Variants in CADM2 observed in about 807,000 individuals in gnomAD.
CADM2 encodes the protein cell adhesion molecule 2.
In CADM2, 12 loss-of-function variants were observed where a neutral mutation model predicts 49.8. That is an observed-to-expected ratio of 0.24 (90% CI 0.15 to 0.39). CADM2 has a LOEUF of 0.39. Among genes scored for constraint, CADM2 ranks in the 10% least tolerant of loss-of-function variants. The probability of loss-of-function intolerance (pLI) is 1.00; values close to 1 mark genes in which losing one functional copy is unlikely to be tolerated. For missense variants in CADM2, 378 were observed against 492.3 expected, an observed-to-expected ratio of 0.77 and a Z score of 2.20; for synonymous variants, 214 against 175.4, an observed-to-expected ratio of 1.22 and a Z score of -1.74.
chr3:84,967,808 C>T (rs2031119519), intron 1 of CADM2, among the ~76,000 whole-genome samples: 1 of 152,032 alleles, frequency 6.6e-6, no homozygotes, highest in South Asian at 2.1e-4. Context: ...AAGGATAAAA[C>T]ATGTGCAATG....
At chr3:85,299,821 A>T (rs1420299388) in intron 1 of CADM2, among the ~76,000 whole-genome samples, 3 of 152,104 alleles carry the variant, frequency 2.0e-5, no homozygotes, top group Non-Finnish European at 4.4e-5. Context: ...GAAAGATTTA[A>T]TAGGAGACCA....
intron 1 of CADM2, among the ~76,000 whole-genome samples, chr3:85,277,592 C>T (rs1411381389): frequency 6.6e-6 from 1 of 151,284 alleles, no homozygotes; most frequent in Non-Finnish European, 1.5e-5. Flanking sequence ...CATTGTTATG[C>T]TATGTTCTAT....
intron 8 of CADM2, among the ~76,000 whole-genome samples, chr3:86,021,689 A>T (rs534061977): frequency 6.6e-6 from 1 of 152,330 alleles, no homozygotes; most frequent in East Asian, 1.9e-4. Flanking sequence ...AAATGGCAAG[A>T]TCCTATTCTT....
At chr3:85,393,971 T>C (rs1277374593) in intron 1 of CADM2, among the ~76,000 whole-genome samples, 4 of 152,042 alleles carry the variant, frequency 2.6e-5, no homozygotes, top group South Asian at 4.2e-4. Flanking sequence ...CACGCCTCGC[T>C]AATTTTTTGT....
intron 1 of CADM2, among the ~76,000 whole-genome samples, chr3:85,432,020 G>A (rs1465211422): frequency 6.7e-6 from 1 of 149,268 alleles, no homozygotes; most frequent in East Asian, 2.0e-4. Context: ...TCTCTTGAAT[G>A]GAAATAAAAC....
intron 1 of CADM2, among the ~76,000 whole-genome samples, chr3:85,095,896 A>G (rs2037776029): frequency 2.0e-5 from 3 of 152,174 alleles, no homozygotes; most frequent in East Asian, 3.9e-4. Flanking sequence ...AGTCATTTAA[A>G]GTCTCAGCCT....
chr3:85,983,908 A>G (rs1157906088), intron 8 of CADM2, among the ~76,000 whole-genome samples: 1 of 151,288 alleles, frequency 6.6e-6, no homozygotes, highest in Non-Finnish European at 1.5e-5. Context: ...TTCTTAATCT[A>G]TATCATTTTA....
At chr3:85,038,228 G>A (rs1576089921) in intron 1 of CADM2, among the ~76,000 whole-genome samples, 1 of 152,136 alleles carries the variant, frequency 6.6e-6, no homozygotes, top group Non-Finnish European at 1.5e-5. Context: ...ATCATTTTGT[G>A]AGACCTGAGG....
At chr3:85,662,233 G>GT (rs5850709) in intron 1 of CADM2, among the ~76,000 whole-genome samples, 39,818 of 137,122 alleles carry the variant, frequency 0.29, 5,943 homozygotes, top group South Asian at 0.42. Context: ...GTATAGGTGG[G>GT]TTTTTTTTTT....
chr3:85,108,018 C>A (rs954652803), intron 1 of CADM2, among the ~76,000 whole-genome samples: 2 of 152,000 alleles, frequency 1.3e-5, no homozygotes, highest in Non-Finnish European at 2.9e-5. Flanking sequence ...ATGACTATTT[C>A]TTTAAAAGTT....
At chr3:85,234,126 G>A (rs531788214) in intron 1 of CADM2, among the ~76,000 whole-genome samples, 1 of 152,088 alleles carries the variant, frequency 6.6e-6, no homozygotes, top group South Asian at 2.1e-4. Flanking sequence ...ATTTCCCAAG[G>A]TTCCATAGAT....
At chr3:86,022,847 T>C (rs2107061305) in intron 8 of CADM2, among the ~76,000 whole-genome samples, 1 of 152,282 alleles carries the variant, frequency 6.6e-6, no homozygotes, top group African/African-American at 2.4e-5. Flanking sequence ...TTGGCTTACT[T>C]TTCACAGAAA....
At chr3:85,764,665 G>T (rs1248605298) in intron 2 of CADM2, among the ~76,000 whole-genome samples, 1 of 152,002 alleles carries the variant, frequency 6.6e-6, no homozygotes, top group Non-Finnish European at 1.5e-5. Flanking sequence ...AGATGCATCA[G>T]CATATCAAGA....
At chr3:85,211,560 T>A (rs200840063) in intron 1 of CADM2, among the ~76,000 whole-genome samples, 4 of 152,108 alleles carry the variant, frequency 2.6e-5, no homozygotes, top group African/African-American at 9.7e-5. Flanking sequence ...CACCCAAGAG[T>A]TTACTAATTT....
chr3:85,107,711 T>G (rs1169518557), intron 1 of CADM2, among the ~76,000 whole-genome samples: 4 of 149,426 alleles, frequency 2.7e-5, no homozygotes, highest in Non-Finnish European at 5.9e-5. Flanking sequence ...TTCTTTTTTT[T>G]TTTTTTTGAT....
intron 1 of CADM2, among the ~76,000 whole-genome samples, chr3:85,011,726 T>A (rs2034002609): frequency 1.3e-5 from 2 of 152,012 alleles, no homozygotes; most frequent in South Asian, 4.1e-4. Flanking sequence ...CTACAATTTT[T>A]TTTTTTTAAG....
At chr3:85,488,529 T>C (rs934436355) in intron 1 of CADM2, among the ~76,000 whole-genome samples, 1 of 152,010 alleles carries the variant, frequency 6.6e-6, no homozygotes, top group Non-Finnish European at 1.5e-5. Context: ...ATTTTTGTTT[T>C]GTTTTGTTTT....
At chr3:85,494,630 A>T (rs1199415127) in intron 1 of CADM2, among the ~76,000 whole-genome samples, 1 of 152,220 alleles carries the variant, frequency 6.6e-6, no homozygotes, top group East Asian at 1.9e-4. Context: ...TGGCTGTATT[A>T]CATAGACAAG....
At chr3:85,380,060 T>A (rs1235330482) in intron 1 of CADM2, among the ~76,000 whole-genome samples, 1 of 152,012 alleles carries the variant, frequency 6.6e-6, no homozygotes, top group East Asian at 1.9e-4. Flanking sequence ...TTTCAAAGAG[T>A]AGAGTTGAAA....
Sources: gnomAD v4.1 joint callset for allele counts (sites outside exome capture counted in the v4.1 genomes callset) on GRCh38, gnomAD v4.1.1 for gene constraint, MANE v1.5 for transcripts, NCBI Gene and HGNC (gene_info 2026-07-23, HGNC 2026-07-21) for gene names.